DORIP1: variants seen among roughly 807,000 people sequenced by gnomAD.
DORIP1 encodes dopamine receptor interacting protein 1.
chr14:44,904,058 C>T, the DORIP1 span: 7 of 985,080 alleles, frequency 7.1e-6, no homozygotes, highest in African/African-American at 8.7e-5. Flanking sequence ...CATATTTTTC[C>T]CCTCTCTGCC....
chr14:44,900,259 A>C, the DORIP1 span, among the ~76,000 whole-genome samples: 1 of 152,200 alleles, frequency 6.6e-6, no homozygotes, highest in Non-Finnish European at 1.5e-5. Flanking sequence ...GTCTTTCCAG[A>C]GAGCATGCAT....
the DORIP1 span, among the ~76,000 whole-genome samples, chr14:44,902,758 T>C: frequency 6.6e-6 from 1 of 152,178 alleles, no homozygotes; most frequent in Non-Finnish European, 1.5e-5. Flanking sequence ...TTGCCTACTT[T>C]TTAAAAAATC....
chr14:44,900,672 A>ACT, the DORIP1 span: 5 of 1,611,092 alleles, frequency 3.1e-6, no homozygotes, highest in East Asian at 8.9e-5. Context: ...TCCCTAGGGA[A>ACT]CTCTCTCTTC....
At chr14:44,903,416 C>T in the DORIP1 span, 1 of 1,462,674 alleles carries the variant, frequency 6.8e-7, no homozygotes, top group Non-Finnish European at 9.1e-7. Flanking sequence ...TGACATTTTA[C>T]AGTGTTTTTG....
chr14:44,900,711 TC>T, the DORIP1 span: 3 of 1,614,094 alleles, frequency 1.9e-6, no homozygotes, highest in Non-Finnish European at 2.5e-6. Context: ...TAGACTGTTT[TC>T]TTTACTTAAT....
At chr14:44,903,405 A>G in the DORIP1 span, 7 of 1,477,176 alleles carry the variant, frequency 4.7e-6, no homozygotes, top group Admixed American at 6.3e-5. Context: ...CTAGTTTACT[A>G]TGACATTTTA....
At chr14:44,899,914 C>T in the DORIP1 span, among the ~76,000 whole-genome samples, 2,454 of 149,794 alleles carry the variant, frequency 0.016, 24 homozygotes, top group Middle Eastern at 0.031. Flanking sequence ...TCACCGCAAC[C>T]TCCGCCTCCC....
At chr14:44,905,028 A>C in the DORIP1 span, 8,721 of 187,922 alleles carry the variant, frequency 0.046, 783 homozygotes, top group African/African-American at 0.19. Flanking sequence ...TCATAATTTA[A>C]ACATAAAATG....
At chr14:44,902,174 C>A in the DORIP1 span, among the ~76,000 whole-genome samples, 3 of 152,104 alleles carry the variant, frequency 2.0e-5, no homozygotes, top group Non-Finnish European at 4.4e-5. Context: ...ATTATCAAGT[C>A]ATAAAGACAA....
the DORIP1 span, chr14:44,903,517 G>A: frequency 4.4e-6 from 5 of 1,128,550 alleles, no homozygotes; most frequent in Admixed American, 4.6e-5. Context: ...CCCCACTGCT[G>A]AGTAGGTACA....
At chr14:44,901,044 A>C in the DORIP1 span, 1 of 1,372,908 alleles carries the variant, frequency 7.3e-7, no homozygotes, top group Non-Finnish European at 9.9e-7. Context: ...CCCCATAATG[A>C]CATTTGGGTC....
the DORIP1 span, among the ~76,000 whole-genome samples, chr14:44,898,025 TCA>T: frequency 1.3e-5 from 2 of 152,272 alleles, no homozygotes; most frequent in East Asian, 3.9e-4. Context: ...CCCTTGGAAG[TCA>T]CCACGAAAGA....
chr14:44,897,443 G>C, the DORIP1 span: 1 of 196,944 alleles, frequency 5.1e-6, no homozygotes, highest in African/African-American at 2.4e-5. Context: ...GGGAGGCCGA[G>C]ACAGCCGGCG....
At chr14:44,903,252 G>C in the DORIP1 span, 32 of 1,613,494 alleles carry the variant, frequency 2.0e-5, no homozygotes, top group Non-Finnish European at 2.7e-5. Flanking sequence ...GACTGGCTGT[G>C]AATGAGTTAT....
At chr14:44,905,617 T>C in the DORIP1 span, 12 of 1,136,496 alleles carry the variant, frequency 1.1e-5, no homozygotes, top group Non-Finnish European at 1.1e-5. Context: ...GGCTTTTATT[T>C]TGTGTATACT....
the DORIP1 span, chr14:44,904,142 G>A: frequency 1.0e-6 from 1 of 985,198 alleles, no homozygotes; most frequent in Non-Finnish European, 1.2e-6. Flanking sequence ...GCTTTCATAG[G>A]CTTATACAGA....
chr14:44,901,538 G>A, the DORIP1 span, among the ~76,000 whole-genome samples: 1 of 152,104 alleles, frequency 6.6e-6, no homozygotes, highest in Non-Finnish European at 1.5e-5. Context: ...GAATTATTCA[G>A]TATGAAAAAT....
At chr14:44,899,852 A>G in the DORIP1 span, among the ~76,000 whole-genome samples, 175 of 51,584 alleles carry the variant, frequency 3.4e-3, 1 homozygote, top group African/African-American at 0.015. Flanking sequence ...TTTTTTTTTG[A>G]GATGGAGTTT....
At chr14:44,903,265 T>G in the DORIP1 span, 5 of 1,613,440 alleles carry the variant, frequency 3.1e-6, no homozygotes, top group Non-Finnish European at 4.2e-6. Context: ...TGAGTTATTC[T>G]GTTCCAAGAT....
Sources: gnomAD v4.1 joint callset for allele counts (sites outside exome capture counted in the v4.1 genomes callset) on GRCh38, gnomAD v4.1.1 for gene constraint, MANE v1.5 for transcripts, NCBI Gene and HGNC (gene_info 2026-07-23, HGNC 2026-07-21) for gene names.